ERN1: variants seen among roughly 807,000 people sequenced by gnomAD.
The protein encoded by ERN1 is endoplasmic reticulum to nucleus signaling 1.
ERN1 carries 39 observed loss-of-function variants against 113.1 expected under a neutral mutation model. The ratio of observed to expected loss-of-function variants is 0.34; its 90% CI spans 0.27 to 0.45. The LOEUF (loss-of-function observed/expected upper bound fraction) is 0.45, where lower values mean the gene tolerates loss of function less well. ERN1 is among the 20% of genes least tolerant of loss of function. The probability of loss-of-function intolerance (pLI) is 1.00; values close to 1 mark genes in which losing one functional copy is unlikely to be tolerated. For synonymous variants in ERN1, 507 were observed against 515.9 expected (o/e 0.98, Z 0.23); for missense variants, 976 against 1,274.8 (o/e 0.77, Z 3.57).
chr17:64,064,018 A>T lies in ERN1; in HGVS notation c.1055T>A (p.Leu352His). The stretch of plus-strand genomic sequence containing the variant: ...AAGCCAGTAATTCCTCAAGTAGTTG[A>T]GCTTGTTCTTGCTTTTGAGTCCGGG... ...FDPGLKSKNK[L>H]NYLRNYWLLI... is the part of the protein sequence containing the mutation. The change falls in exon 10 of 22, where the codon CTC becomes CAC. Residue 352 changes from leucine (L) to histidine (H), a missense_variant. Leu to His is a moderately conservative substitution (Grantham distance 99, BLOSUM62 -3). This residue lies in a region of ERN1 where 459 missense variants were observed against 581.2 expected (regional missense o/e 0.79). Coordinates refer to ENST00000433197, the MANE Select transcript of ERN1 (RefSeq NM_001433.5). The T allele has an allele frequency of 6.2e-7, 1 of 1,613,920 alleles. No individual in the cohort carries two copies. Among genetic ancestry groups the T allele is most frequent in the Non-Finnish European group, 8.5e-7 (1 of 1,179,866 alleles).
chr17:64,107,160 G>A (rs1411172848), intron 1 of ERN1, among the ~76,000 whole-genome samples: 2 of 152,112 alleles, frequency 1.3e-5, no homozygotes, highest in South Asian at 2.1e-4. Flanking sequence ...TGCCCAGTAA[G>A]TGCAAAGGTC....
chr17:64,045,825 G>A (rs1912496655), intron 19 of ERN1, among the ~76,000 whole-genome samples: 1 of 152,206 alleles, frequency 6.6e-6, no homozygotes, highest in Non-Finnish European at 1.5e-5. Flanking sequence ...AAACCAAAAA[G>A]AAAAGGAAAG....
intron 1 of ERN1, among the ~76,000 whole-genome samples, chr17:64,110,578 A>G (rs1423888387): frequency 3.3e-5 from 5 of 152,196 alleles, no homozygotes; most frequent in African/African-American, 1.2e-4. Context: ...ATTACTGATC[A>G]GCACAGGACA....
At chr17:64,089,318 CAAAAAAAAAA>C (rs34094164) in intron 2 of ERN1, among the ~76,000 whole-genome samples, 20 of 24,256 alleles carry the variant, frequency 8.2e-4, no homozygotes, top group African/African-American at 1.5e-3. Flanking sequence ...GAATCCATCT[CAAAAAAAAAA>C]AAAAAAAAAA....
intron 1 of ERN1, among the ~76,000 whole-genome samples, chr17:64,121,736 C>T (rs1914960829): frequency 6.6e-6 from 1 of 152,212 alleles, no homozygotes; most frequent in Admixed American, 6.5e-5. Context: ...ATCCGCCCGC[C>T]TCAGCTTCCT....
chr17:64,073,425 T>C (rs1298988566), intron 5 of ERN1, among the ~76,000 whole-genome samples: 1 of 148,644 alleles, frequency 6.7e-6, no homozygotes, highest in Non-Finnish European at 1.5e-5. Context: ...TCCACCCAAC[T>C]CGGCCTCCCA....
At chr17:64,091,281 C>A (rs968885972) in intron 2 of ERN1, among the ~76,000 whole-genome samples, 3 of 152,250 alleles carry the variant, frequency 2.0e-5, no homozygotes, top group African/African-American at 7.2e-5. Flanking sequence ...GATCAGAAAC[C>A]AGAACCGGAA....
At chr17:64,067,838 C>A in intron 7 of ERN1, 1 of 184,068 alleles carries the variant, frequency 5.4e-6, no homozygotes, top group Non-Finnish European at 1.1e-5. Flanking sequence ...GTCACATTTG[C>A]AGAGTGGCCT....
intron 1 of ERN1, chr17:64,129,620 G>T (rs906371857): frequency 1.9e-5 from 7 of 367,056 alleles, no homozygotes; most frequent in African/African-American, 8.4e-5. Flanking sequence ...CCCGCAGGTG[G>T]GCGGCCTCCT....
At chr17:64,111,548 G>A (rs1277312328) in intron 1 of ERN1, among the ~76,000 whole-genome samples, 1 of 152,042 alleles carries the variant, frequency 6.6e-6, no homozygotes, top group Non-Finnish European at 1.5e-5. Flanking sequence ...GTAGAAACGA[G>A]GTTTCACCAT....
intron 8 of ERN1, among the ~76,000 whole-genome samples, chr17:64,065,532 C>T (rs190663062): frequency 2.0e-5 from 3 of 152,282 alleles, no homozygotes; most frequent in Non-Finnish European, 4.4e-5. Context: ...TCAGCAAAAT[C>T]GCAGGGCTGG....
At chr17:64,118,921 G>C (rs1343249771) in intron 1 of ERN1, among the ~76,000 whole-genome samples, 2 of 152,138 alleles carry the variant, frequency 1.3e-5, no homozygotes, top group Non-Finnish European at 2.9e-5. Flanking sequence ...CACCCTGATA[G>C]GAAAGTTCCT....
Position 64,065,193 on chromosome 17 carries a change from T to A in ERN1, c.921+16A>T. On this transcript the variant is annotated intron_variant, in intron 9 of 21. Coordinates refer to ENST00000433197, the MANE Select transcript of ERN1 (RefSeq NM_001433.5). ...GAAGTGGTTAGGCAGCTGCGAGCCC[T>A]CCGTAGTGGACTTACCACGACAGCA... 1 of 1,588,958 alleles carries A rather than the reference T, an allele frequency of 6.3e-7. No individual in the cohort carries two copies. The highest frequency in any genetic ancestry group is 8.6e-7 in the Non-Finnish European group (1 of 1,164,976).
chr17:64,055,946 G>T lies in ERN1; in HGVS notation c.1401C>A (p.Ser467Arg). 4.6e-6 allele frequency: 7 copies of T among 1,538,082 alleles called. No individual in the cohort carries two copies. The highest frequency in any genetic ancestry group is 5.3e-6 in the Non-Finnish European group (6 of 1,140,956). ...WVAFIITYPL[S>R]MHQQQQLQHQ... ...GCTGGAGCTGCTGCTGCTGATGCAT[G>T]CTCTGGGAAGAGAAACCCACATCCA... The change falls in exon 13 of 22, where the codon AGC (serine) becomes AGA (arginine). Residue 467 changes from serine to arginine, a missense_variant and splice_region_variant. Ser to Arg is a moderately radical substitution (Grantham distance 110, BLOSUM62 -1). Around this residue, in one of 5 missense-constraint regions of ERN1, gnomAD observed 16 missense variants for 42.3 expected, o/e 0.38. Coordinates refer to ENST00000433197, the MANE Select transcript of ERN1 (RefSeq NM_001433.5).
intron 2 of ERN1, among the ~76,000 whole-genome samples, chr17:64,096,634 ATACAG>A (rs1285966814): frequency 1.3e-5 from 2 of 152,230 alleles, no homozygotes; most frequent in Non-Finnish European, 2.9e-5. Context: ...CACTGCTGCT[ATACAG>A]TATCTCTCAC....
At chr17:64,116,543 C>T (rs1227188016) in intron 1 of ERN1, among the ~76,000 whole-genome samples, 1 of 152,026 alleles carries the variant, frequency 6.6e-6, no homozygotes, top group Non-Finnish European at 1.5e-5. Context: ...GTCAGAGATT[C>T]CCCAAATTTG....
At chr17:64,067,338 C>T (rs1913261340) in intron 7 of ERN1, among the ~76,000 whole-genome samples, 1 of 151,280 alleles carries the variant, frequency 6.6e-6, no homozygotes, top group African/African-American at 2.4e-5. Context: ...GTCTATAAGC[C>T]CAAGAATTTG....
intron 2 of ERN1, among the ~76,000 whole-genome samples, chr17:64,090,387 T>C (rs947374523): frequency 6.6e-6 from 1 of 152,168 alleles, no homozygotes; most frequent in Non-Finnish European, 1.5e-5. Flanking sequence ...TATCTCTACT[T>C]TGGCAGAAGT....
chr17:64,095,299 C>T (rs915008383), intron 2 of ERN1, among the ~76,000 whole-genome samples: 1 of 152,104 alleles, frequency 6.6e-6, no homozygotes, highest in Non-Finnish European at 1.5e-5. Flanking sequence ...CATAGTGGCG[C>T]ATGCCTGTAA....
Sources: allele counts gnomAD v4.1 joint callset (sites outside exome capture counted in the v4.1 genomes callset), GRCh38; gene constraint gnomAD v4.1.1; regional missense constraint gnomAD v4.1.1; transcripts MANE v1.5; gene names NCBI Gene and HGNC (gene_info 2026-07-23, HGNC 2026-07-21).